RP9: variants seen among roughly 807,000 people sequenced by gnomAD.
RP9 encodes RP9 pre-mRNA splicing factor, also known as retinitis pigmentosa 9 protein.
Under a neutral mutation model 32.6 loss-of-function variants are expected in RP9, and 23 were observed. That is an observed-to-expected ratio of 0.71 (90% CI 0.51 to 1.00). The LOEUF (loss-of-function observed/expected upper bound fraction) is 1.00, where lower values mean the gene tolerates loss of function less well. RP9 is among the 50% of genes least tolerant of loss of function. The pLI, the probability that RP9 is intolerant of heterozygous loss-of-function variation, is 0.00. For missense variants in RP9, 245 were observed against 285.3 expected (o/e 0.86, Z 1.02); for synonymous variants, 94 against 103.6 (o/e 0.91, Z 0.56).
chr7:33,098,089 T>G (rs1328440212), intron 3 of RP9, among the ~76,000 whole-genome samples: 4 of 152,152 alleles, frequency 2.6e-5, no homozygotes, highest in African/African-American at 7.2e-5. Context: ...CAAGTTCTCT[T>G]AGAATATTAA....
Position 33,109,336 on chromosome 7 carries a change from C to T in RP9, c.37G>A (p.Ala13Thr), listed in dbSNP as rs1421263477. ...GGCTCACGCGGCCGCCGCGCGCCCG[C>T]AGCCCCCACGTCCTCGCGCCCAGGC... ...SRPGREDVGA[A>T]GARRPREPPE... The change falls in exon 1 of 6, where the codon GCG (alanine) becomes ACG (threonine). Residue 13 changes from alanine to threonine, a missense_variant. Physicochemically the swap from Ala to Thr is moderately conservative, Grantham distance 58. This residue lies in a region of RP9 where 182 missense variants were observed against 175.5 expected (regional missense o/e 1.04). Transcript: ENST00000297157. The surrounding 1 kb of genome is among the most constrained non-coding windows in gnomAD (Gnocchi z 4.9). 3 of 1,453,452 alleles carry T rather than the reference C, an allele frequency of 2.1e-6. No individual in the cohort carries two copies. Among genetic ancestry groups the T allele is most frequent in the Non-Finnish European group, 2.7e-6 (3 of 1,107,062 alleles). The allele number at this position is 1,453,452 out of a possible 1,614,324, so 90.0% of individuals were successfully genotyped here.
chr7:33,103,755 G>A (rs1261165689), intron 1 of RP9, among the ~76,000 whole-genome samples: 4 of 152,210 alleles, frequency 2.6e-5, no homozygotes, highest in African/African-American at 7.2e-5. Context: ...AGGAAGTCGA[G>A]GCTGTAGTGA....
chr7:33,099,503 G>A, intron 2 of RP9, 67 bp from the exon 3 acceptor site: 1 of 1,593,544 alleles, frequency 6.3e-7, no homozygotes, highest in South Asian at 1.1e-5. Context: ...TCCCCTTGGA[G>A]CCACCCTTGC....
rs537093983 is a variant in RP9 at position 33,096,840 on chromosome 7, A to C, written c.406-286T>G. On this transcript the variant is annotated intron_variant, in intron 4 of 5. Transcript: ENST00000297157. ...CTATAACACTGCCACCTCAAAAACA[A>C]AGAAAAATACAGGGAATAACTGTCA... is the stretch of plus-strand genomic sequence containing the variant. Among the ~76,000 whole-genome samples the C allele has an allele frequency of 2.0e-5, 3 of 151,936 alleles. No homozygotes were observed. The East Asian group carries it at 5.8e-4, about 29-fold the overall frequency.
chr7:33,108,401 G>A (rs1304159972), intron 1 of RP9, among the ~76,000 whole-genome samples: 1 of 152,190 alleles, frequency 6.6e-6, no homozygotes, highest in Non-Finnish European at 1.5e-5. Context: ...TGCCACCCTG[G>A]CATATTGATG....
At chr7:33,095,649 T>C (rs1583998276) in intron 5 of RP9, among the ~76,000 whole-genome samples, 1 of 152,226 alleles carries the variant, frequency 6.6e-6, no homozygotes, top group Admixed American at 6.5e-5. Flanking sequence ...TTCTTTTTAT[T>C]GTCCTAGACA....
chr7:33,097,247 T>C (rs753436304), intron 4 of RP9, 24 bp downstream of exon 4: 2 of 1,512,520 alleles, frequency 1.3e-6, no homozygotes, highest in Non-Finnish European at 1.8e-6. Context: ...TAAATGTAAA[T>C]TGACACTCTT....
chr7:33,105,761 C>T (rs1788490377), intron 1 of RP9, among the ~76,000 whole-genome samples: 1 of 152,112 alleles, frequency 6.6e-6, no homozygotes, highest in South Asian at 2.1e-4. Context: ...CTGTATTATA[C>T]CCTTTTTTGT....
At position 33,096,191 on chromosome 7, in the gene RP9, A is replaced by C. The variant is rs114329781; in HGVS notation, c.467+302T>G. Among the ~76,000 whole-genome samples the C allele has an allele frequency of 1.5e-3, 227 of 152,342 alleles. 2 individuals carry two copies. The highest frequency in any genetic ancestry group is 5.0e-3 in the African/African-American group (208 of 41,578). On this transcript the variant is annotated intron_variant, in intron 5 of 5. Transcript: ENST00000297157. ...TAAAGACTCTGGAGAAGATAAACTG[A>C]ATCACATGAAAATATCAATTATACT...
At chr7:33,108,673 A>T (rs1584006592) in intron 1 of RP9, among the ~76,000 whole-genome samples, 1 of 152,028 alleles carries the variant, frequency 6.6e-6, no homozygotes, top group Non-Finnish European at 1.5e-5. Context: ...TTCACCATAC[A>T]TTTCCCCCAT....
At position 33,097,141 on chromosome 7, in the gene RP9, C is replaced by T. The variant is rs1788349105; in HGVS notation, c.405+130G>A. Reference sequence around the variant, plus strand: ...AATTTAATAAGCATGTAGTTAACAGCACACACTTTGGTCAAAGGGCTTCTG... The same window carrying T: ...AATTTAATAAGCATGTAGTTAACAGTACACACTTTGGTCAAAGGGCTTCTG... On this transcript the variant is annotated intron_variant, in intron 4 of 5. Coordinates refer to ENST00000297157, the MANE Select transcript of RP9 (RefSeq NM_203288.2). The T allele has an allele frequency of 4.1e-6, 3 of 726,834 alleles. No individual in the cohort carries two copies. The South Asian group carries it at 4.4e-5, about 11-fold the overall frequency. 45.0% of individuals were successfully genotyped at this position (726,834 alleles called of 1,614,324 possible). A position where few individuals can be genotyped will look rare whatever the true frequency, so the allele number is the denominator to read the frequency against.
At chr7:33,108,118 C>G (rs1171301817) in intron 1 of RP9, among the ~76,000 whole-genome samples, 1 of 152,176 alleles carries the variant, frequency 6.6e-6, no homozygotes, top group East Asian at 1.9e-4. Context: ...AACTTTTAGG[C>G]TAAACTTAAA....
chr7:33,106,954 A>C (rs546870355), intron 1 of RP9, among the ~76,000 whole-genome samples: 5 of 152,176 alleles, frequency 3.3e-5, no homozygotes, highest in South Asian at 2.1e-4. Flanking sequence ...AAAAAAAAAA[A>C]ACAAAAACCA....
chr7:33,107,731 C>A (rs1334476561), intron 1 of RP9, among the ~76,000 whole-genome samples: 4 of 152,198 alleles, frequency 2.6e-5, no homozygotes, highest in Non-Finnish European at 2.9e-5. Context: ...GATTTTAATT[C>A]TTTGAGGAAC....
chr7:33,100,923 A>C (rs1371580735), intron 1 of RP9: 2 of 405,732 alleles, frequency 4.9e-6, no homozygotes, highest in Non-Finnish European at 9.5e-6. Flanking sequence ...CTCCTAAAGC[A>C]ATTTGTACCT....
Position 33,095,393 on chromosome 7 carries a change from T to G in RP9, c.507A>C (p.Ser169=). ...AACTGGAGCTGCTCCTATCTTCATC[T>G]GAGGTAGAATCCTCCAGTAACTGTT... ...QLKQLLEDST[S]DEDRSSSSSS... Residue 169 remains serine, a synonymous_variant, in exon 6 of 6, where the codon TCA becomes TCC. Coordinates refer to ENST00000297157, the MANE Select transcript of RP9 (RefSeq NM_203288.2). 1 of 1,613,958 alleles carries G rather than the reference T, an allele frequency of 6.2e-7. No homozygotes were observed.
At chr7:33,101,011 T>A in intron 1 of RP9, 1 of 298,964 alleles carries the variant, frequency 3.3e-6, no homozygotes, top group South Asian at 3.0e-5. Context: ...GGAAGTATTT[T>A]TTTTTTTTTT....
chr7:33,098,781 C>T (rs1788379501), intron 3 of RP9, among the ~76,000 whole-genome samples: 1 of 152,070 alleles, frequency 6.6e-6, no homozygotes, highest in East Asian at 1.9e-4. Context: ...CTGTTAAAGA[C>T]GATTCCAGAA....
chr7:33,108,435 C>A (rs888201920), intron 1 of RP9, among the ~76,000 whole-genome samples: 3 of 152,186 alleles, frequency 2.0e-5, no homozygotes, highest in Non-Finnish European at 2.9e-5. Context: ...AGTAACAGAA[C>A]CAAACAACAC....
Sources: allele counts gnomAD v4.1 joint callset (sites outside exome capture counted in the v4.1 genomes callset), GRCh38; gene constraint gnomAD v4.1.1; regional missense constraint gnomAD v4.1.1; non-coding constraint Gnocchi (gnomAD v3.1); transcripts MANE v1.5; gene names NCBI Gene and HGNC (gene_info 2026-07-23, HGNC 2026-07-21).